The following LINGO2 variants were observed in gnomAD, a reference collection of about 807,000 sequenced individuals.
LINGO2 encodes leucine-rich repeat and immunoglobulin-like domain-containing nogo receptor-interacting protein 2.
A neutral mutation model predicts 30.6 loss-of-function variants in LINGO2; 14 were observed. The ratio of observed to expected loss-of-function variants is 0.46; its 90% CI spans 0.30 to 0.72. The LOEUF (loss-of-function observed/expected upper bound fraction) is 0.72. Among genes scored for constraint, LINGO2 ranks in the 30% least tolerant of loss-of-function variants. The pLI is 0.07. For synonymous variants in LINGO2, 317 were observed against 288.5 expected (o/e 1.10, Z -1.00); for missense variants, 729 against 751.7 (o/e 0.97, Z 0.35).
chr9:29,166,214 T>G, the LINGO2 span, among the ~76,000 whole-genome samples: 5 of 152,102 alleles, frequency 3.3e-5, no homozygotes, highest in African/African-American at 1.2e-4. Flanking sequence ...TTTATATACT[T>G]TTCTTTTTCT....
chr9:28,997,338 C>T, the LINGO2 span, among the ~76,000 whole-genome samples: 1 of 152,086 alleles, frequency 6.6e-6, no homozygotes, highest in Admixed American at 6.5e-5. Context: ...GACAGTTGTT[C>T]AACAAATATT....
At position 28,529,394 on chromosome 9, in the gene LINGO2, C is replaced by T. The variant is rs180721972; in HGVS notation, c.-364-53369G>A. Among the ~76,000 whole-genome samples the T allele has an allele frequency of 2.5e-3, 376 of 152,140 alleles. 1 individual carries two copies. The highest frequency in any genetic ancestry group is 4.2e-3 in the Non-Finnish European group (286 of 67,954). ...ATTTTAAATATGGTATGTCAGGTGT[C>T]TAATACTGTTTTTCACACGTTAATG... On this transcript the variant is annotated intron_variant, in intron 1 of 5. Coordinates refer to ENST00000379992, the Ensembl canonical transcript of LINGO2.
intron 4 of LINGO2, among the ~76,000 whole-genome samples, chr9:28,056,083 C>G (rs1301596319): frequency 6.6e-6 from 1 of 152,100 alleles, no homozygotes. Context: ...AAAGGAGCTC[C>G]CCGCTTTCAG....
At chr9:28,474,411 T>G (rs893456869) in intron 2 of LINGO2, among the ~76,000 whole-genome samples, 1 of 26,962 alleles carries the variant, frequency 3.7e-5, no homozygotes, top group Non-Finnish European at 1.1e-4. Flanking sequence ...AGAAGAGACA[T>G]AAAAAAACTT....
the LINGO2 span, among the ~76,000 whole-genome samples, chr9:28,852,008 T>G: frequency 2.4e-3 from 362 of 151,922 alleles, 4 homozygotes; most frequent in Middle Eastern, 0.027. Flanking sequence ...ATCATTAAGA[T>G]CCCTGTCCCC....
the LINGO2 span, among the ~76,000 whole-genome samples, chr9:29,062,221 C>T: frequency 6.6e-6 from 1 of 151,932 alleles, no homozygotes; most frequent in Non-Finnish European, 1.5e-5. Context: ...AAATTAGAAG[C>T]CTGTGCACTG....
At chr9:28,390,166 C>T (rs1220170715) in intron 2 of LINGO2, among the ~76,000 whole-genome samples, 1 of 152,180 alleles carries the variant, frequency 6.6e-6, no homozygotes, top group African/African-American at 2.4e-5. Flanking sequence ...CCTACCTCAG[C>T]TCATTGCTTC....
At chr9:28,997,305 G>A in the LINGO2 span, among the ~76,000 whole-genome samples, 1 of 152,088 alleles carries the variant, frequency 6.6e-6, no homozygotes, top group Non-Finnish European at 1.5e-5. Context: ...AAATAATGTG[G>A]AAAAAGTGAG....
the LINGO2 span, among the ~76,000 whole-genome samples, chr9:28,965,601 GAGGGTCAATACAAT>G: frequency 6.6e-6 from 1 of 152,058 alleles, no homozygotes; most frequent in African/African-American, 2.4e-5. Flanking sequence ...CTTACCCAGA[GAGGGTCAATACAAT>G]AGGTTTTCCA....
At chr9:29,002,762 G>A in the LINGO2 span, among the ~76,000 whole-genome samples, 2 of 151,960 alleles carry the variant, frequency 1.3e-5, no homozygotes. Context: ...TAGCTGTGCT[G>A]CTTCCCATTT....
At chr9:29,000,325 T>C in the LINGO2 span, among the ~76,000 whole-genome samples, 2 of 152,044 alleles carry the variant, frequency 1.3e-5, no homozygotes, top group African/African-American at 4.8e-5. Context: ...AAATTTACTA[T>C]GCACTGCATT....
chr9:28,368,717 C>T (rs1332762215), intron 3 of LINGO2, among the ~76,000 whole-genome samples: 1 of 151,912 alleles, frequency 6.6e-6, no homozygotes, highest in African/African-American at 2.4e-5. Flanking sequence ...CTGCCTCAGC[C>T]TCGCGAGTAG....
rs149888029 is a variant in LINGO2 at position 28,055,930 on chromosome 9, G to A, written c.-86-43525C>T. Among the ~76,000 whole-genome samples, 180 of 152,222 alleles carry A rather than the reference G, an allele frequency of 1.2e-3. 2 individuals carry two copies. Among genetic ancestry groups the A allele is most frequent in the East Asian group, 8.7e-3 (45 of 5,182 alleles). ...GATTACTTCTCGAGACCCTCACTAA[G>A]ACAGTTACTACTTGAATCTATCATT... On this transcript the variant is annotated intron_variant, in intron 4 of 5. Transcript: ENST00000379992.
At chr9:28,533,658 T>C (rs1381666051) in intron 1 of LINGO2, among the ~76,000 whole-genome samples, 1 of 152,192 alleles carries the variant, frequency 6.6e-6, no homozygotes, top group African/African-American at 2.4e-5. Context: ...TATTCCTTTA[T>C]CACAGGGTTG....
At chr9:28,188,542 C>T (rs72726922) in intron 4 of LINGO2, among the ~76,000 whole-genome samples, 16,860 of 151,644 alleles carry the variant, frequency 0.11, 1,288 homozygotes, top group Non-Finnish European at 0.17. Flanking sequence ...GCTCTGCTTC[C>T]GGAAAAAAAA....
At chr9:28,023,446 T>G (rs539468875) in intron 4 of LINGO2, among the ~76,000 whole-genome samples, 29 of 152,310 alleles carry the variant, frequency 1.9e-4, no homozygotes, top group African/African-American at 7.0e-4. Context: ...CTTTCATCTG[T>G]AACCCACTGT....
the LINGO2 span, among the ~76,000 whole-genome samples, chr9:29,084,893 A>G: frequency 2.0e-5 from 3 of 152,058 alleles, no homozygotes; most frequent in Non-Finnish European, 4.4e-5. Flanking sequence ...GAAGCACTCA[A>G]TATATTCAGT....
chr9:28,632,878 AT>A (rs1563879208), intron 1 of LINGO2, among the ~76,000 whole-genome samples: 1,049 of 76,288 alleles, frequency 0.014, 40 homozygotes, highest in African/African-American at 0.049. Flanking sequence ...ATATATATAT[AT>A]GTAGAGAGAG....
At chr9:28,979,554 G>T in the LINGO2 span, among the ~76,000 whole-genome samples, 1 of 151,848 alleles carries the variant, frequency 6.6e-6, no homozygotes, top group Admixed American at 6.6e-5. Context: ...AATACTCAAG[G>T]CCCCGTATAT....
Sources: gnomAD v4.1 joint callset for allele counts (sites outside exome capture counted in the v4.1 genomes callset) on GRCh38, gnomAD v4.1.1 for gene constraint, MANE v1.5 for transcripts, NCBI Gene and HGNC (gene_info 2026-07-23, HGNC 2026-07-21) for gene names.